Variants in TLCD4 observed in about 807,000 individuals in gnomAD.
The protein encoded by TLCD4 is TLC domain-containing protein 4.
TLCD4 carries 7 observed loss-of-function variants against 24.2 expected under a neutral mutation model. The observed-to-expected ratio is 0.29, with a 90% confidence interval of 0.16 to 0.54. The LOEUF (loss-of-function observed/expected upper bound fraction) is 0.54. Ranked by LOEUF, TLCD4 falls within the 20% of genes least tolerant of loss-of-function variation. The probability of loss-of-function intolerance (pLI) is 0.95; values close to 1 mark genes in which losing one functional copy is unlikely to be tolerated. For missense variants in TLCD4, 259 were observed against 313.9 expected (o/e 0.82, Z 1.32); for synonymous variants, 103 against 106.4 (o/e 0.97, Z 0.20).
the TLCD4 span, among the ~76,000 whole-genome samples, chr1:95,106,635 G>A: frequency 0.018 from 2,768 of 152,262 alleles, 82 homozygotes; most frequent in African/African-American, 0.064. Context: ...GGAAGTTGCA[G>A]GGAGCCGAGA....
intron 5 of TLCD4, among the ~76,000 whole-genome samples, chr1:95,154,660 T>C (rs78622823): frequency 9.0e-4 from 137 of 152,202 alleles, no homozygotes; most frequent in African/African-American, 3.2e-3. Flanking sequence ...TGAGTCTGAT[T>C]TGGCAGTCCA....
At position 95,170,811 on chromosome 1, in the gene TLCD4, AC is replaced by A. The variant is rs1571768310; in HGVS notation, c.400-3004del. Among the ~76,000 whole-genome samples the A allele has an allele frequency of 2.6e-5, 4 of 152,258 alleles. No individual in the cohort carries two copies. In the South Asian group the frequency reaches 6.2e-4, roughly 24 times the overall value. ...ATTTAACTATAGAGATAGCAAAAAA[AC>A]AGAACATTTCTCTTATTTTACTTTA... On this transcript the variant is annotated intron_variant, in intron 5 of 6. Transcript: ENST00000370203.
chr1:95,161,572 T>C (rs1302306221), intron 5 of TLCD4, among the ~76,000 whole-genome samples: 1 of 152,222 alleles, frequency 6.6e-6, no homozygotes, highest in East Asian at 1.9e-4. Context: ...CTTGCTTTTC[T>C]AGTTCTTTTA....
intron 6 of TLCD4, among the ~76,000 whole-genome samples, chr1:95,176,742 TC>T (rs1678444069): frequency 6.6e-6 from 1 of 152,186 alleles, no homozygotes; most frequent in South Asian, 2.1e-4. Flanking sequence ...CCTGAAGCCT[TC>T]CCCCTATATT....
At chr1:95,175,787 T>G (rs771176765) in intron 6 of TLCD4, among the ~76,000 whole-genome samples, 3 of 152,082 alleles carry the variant, frequency 2.0e-5, no homozygotes, top group Non-Finnish European at 2.9e-5. Context: ...TTTTCTTTTT[T>G]TTTTTGGATA....
chr1:95,145,136 C>T (rs1422087469), intron 2 of TLCD4, among the ~76,000 whole-genome samples: 1 of 152,184 alleles, frequency 6.6e-6, no homozygotes, highest in African/African-American at 2.4e-5. Context: ...ATTTGTAAAC[C>T]TCAGTGAGTC....
the TLCD4 span, among the ~76,000 whole-genome samples, chr1:95,107,055 G>A: frequency 6.6e-6 from 1 of 152,212 alleles, no homozygotes; most frequent in Non-Finnish European, 1.5e-5. Context: ...GTAATAACAT[G>A]AGGTAAATTT....
At chr1:95,109,958 T>C in the TLCD4 span, among the ~76,000 whole-genome samples, 69,843 of 107,698 alleles carry the variant, frequency 0.65, 22,082 homozygotes, top group Middle Eastern at 0.76. Flanking sequence ...TATATATATA[T>C]ACACACACAC....
intron 5 of TLCD4, among the ~76,000 whole-genome samples, chr1:95,163,016 T>G (rs1422670175): frequency 6.6e-6 from 1 of 152,192 alleles, no homozygotes; most frequent in Admixed American, 6.5e-5. Context: ...CTTTGTGGTG[T>G]TCTCTGTATT....
chr1:95,187,467 T>C (rs753419727), intron 6 of TLCD4, among the ~76,000 whole-genome samples: 3 of 152,294 alleles, frequency 2.0e-5, no homozygotes, highest in South Asian at 4.1e-4. Flanking sequence ...TCAGGTGTTT[T>C]GTAGACTGTC....
chr1:95,136,252 T>TG (rs930808231), intron 1 of TLCD4, among the ~76,000 whole-genome samples: 6 of 152,030 alleles, frequency 3.9e-5, no homozygotes, highest in African/African-American at 1.5e-4. Flanking sequence ...TTGTTTTTTT[T>TG]TGTGTGTGTT....
chr1:95,109,490 C>CA, the TLCD4 span, among the ~76,000 whole-genome samples: 4 of 116,958 alleles, frequency 3.4e-5, no homozygotes, highest in African/African-American at 1.1e-4. Flanking sequence ...GTAAGTTTTG[C>CA]ATTTTTTTTT....
At chr1:95,136,927 G>A (rs1000048224) in intron 1 of TLCD4, among the ~76,000 whole-genome samples, 6 of 152,098 alleles carry the variant, frequency 3.9e-5, no homozygotes, top group Non-Finnish European at 5.9e-5. Flanking sequence ...CAACTTGGGC[G>A]AAGTAGAACC....
chr1:95,114,105 G>A (rs1169771612), upstream of TLCD4, among the ~76,000 whole-genome samples: 2 of 152,146 alleles, frequency 1.3e-5, no homozygotes, highest in Non-Finnish European at 2.9e-5. Context: ...TGTTACCCAG[G>A]CTGGAGTGCA....
chr1:95,160,665 G>T (rs1464724214), intron 5 of TLCD4, among the ~76,000 whole-genome samples: 1 of 152,150 alleles, frequency 6.6e-6, no homozygotes, highest in East Asian at 1.9e-4. Context: ...TTATTATTTT[G>T]AGATACATCC....
At chr1:95,099,682 C>T in the TLCD4 span, among the ~76,000 whole-genome samples, 2 of 152,066 alleles carry the variant, frequency 1.3e-5, no homozygotes, top group Non-Finnish European at 2.9e-5. Flanking sequence ...GTTACTACAA[C>T]AATGATGATG....
chr1:95,172,667 G>T (rs1316481627), intron 5 of TLCD4, among the ~76,000 whole-genome samples: 1 of 152,054 alleles, frequency 6.6e-6, no homozygotes, highest in African/African-American at 2.4e-5. Context: ...ATCTAGCTTA[G>T]AATTTTGAAT....
chr1:95,160,906 G>A (rs1042767172), intron 5 of TLCD4, among the ~76,000 whole-genome samples: 1 of 152,224 alleles, frequency 6.6e-6, no homozygotes, highest in Non-Finnish European at 1.5e-5. Context: ...TGGTTTGCCA[G>A]TATTTTATTG....
chr1:95,157,121 T>G (rs980441768), intron 5 of TLCD4, among the ~76,000 whole-genome samples: 1 of 152,144 alleles, frequency 6.6e-6, no homozygotes, highest in Non-Finnish European at 1.5e-5. Flanking sequence ...AAAAGCTGTT[T>G]TAGGTAATTC....
Sources: allele counts gnomAD v4.1 joint callset (sites outside exome capture counted in the v4.1 genomes callset), GRCh38; gene constraint gnomAD v4.1.1; transcripts MANE v1.5; gene names NCBI Gene and HGNC (gene_info 2026-07-23, HGNC 2026-07-21).